AP1M2: variants seen among roughly 807,000 people sequenced by gnomAD.
AP1M2 encodes AP-1 complex subunit mu-2.
AP1M2 carries 41 observed loss-of-function variants against 54.6 expected under a neutral mutation model. That is an observed-to-expected ratio of 0.75 (90% CI 0.59 to 0.97). The LOEUF is 0.97. Among genes scored for constraint, AP1M2 ranks in the 50% least tolerant of loss-of-function variants. The pLI is 0.00. For missense variants in AP1M2, 507 were observed against 561.2 expected (o/e 0.90, Z 0.98); for synonymous variants, 219 against 215.9 (o/e 1.01, Z -0.13).
chr19:10,581,467 G>C lies in AP1M2; in HGVS notation c.546+20C>G. ...GCAGCCAGGCCGTGGAAGGGGTGCC[G>C]GGGAGGTGTGCAGGCTCACCAGCAG... On this transcript the variant is annotated intron_variant, in intron 5 of 11. Coordinates refer to ENST00000250244, the MANE Select transcript of AP1M2 (RefSeq NM_005498.5). 1 of 1,612,470 alleles carries C rather than the reference G, an allele frequency of 6.2e-7. No individual in the cohort carries two copies. Among genetic ancestry groups the C allele is most frequent in the Non-Finnish European group, 8.5e-7 (1 of 1,178,712 alleles).
At chr19:10,585,259 AGAAG>A (rs879769562) in intron 1 of AP1M2, among the ~76,000 whole-genome samples, 3,639 of 139,718 alleles carry the variant, frequency 0.026, 221 homozygotes, top group Non-Finnish European at 0.038. Flanking sequence ...AAAGAAGGAA[AGAAG>A]GAAAGAAAGA....
At chr19:10,584,163 A>G (rs1917559530) in intron 1 of AP1M2, 93 bp from the exon 2 acceptor site, 1 of 1,461,214 alleles carries the variant, frequency 6.8e-7, no homozygotes, top group South Asian at 1.3e-5. Flanking sequence ...CCTACTTCCT[A>G]GCTGAGGGGC....
intron 9 of AP1M2, 31 bp downstream of exon 9, chr19:10,577,167 C>G (rs887783342): frequency 6.3e-7 from 1 of 1,587,292 alleles, no homozygotes; most frequent in Non-Finnish European, 8.6e-7. Context: ...CCCCTCCACC[C>G]CCAGATCCCC....
Position 10,584,057 on chromosome 19 carries a change from C to T in AP1M2, c.56G>A (p.Arg19His), listed in dbSNP as rs746291058. Reference protein sequence around the residue: ...LDVKGKPLISRNYKGDVAMSK... With the variant: ...LDVKGKPLISHNYKGDVAMSK... ...CATGGCCACATCGCCCTTGTAGTTG[C>T]GGCTGATCAATGGCTGAGGGTGGAA... Residue 19 changes from arginine to histidine, a missense_variant, in exon 2 of 12, where the codon CGC becomes CAC. Physicochemically the swap from Arg to His is conservative, Grantham distance 29. Coordinates refer to ENST00000250244, the MANE Select transcript of AP1M2 (RefSeq NM_005498.5). The T allele has an allele frequency of 3.7e-6, 6 of 1,610,330 alleles. No individual in the cohort carries two copies. The highest frequency in any genetic ancestry group is 4.5e-5 in the East Asian group (2 of 44,824).
chr19:10,581,085 T>C (rs570359575), intron 6 of AP1M2, among the ~76,000 whole-genome samples, 181 bp downstream of exon 6: 4 of 152,314 alleles, frequency 2.6e-5, no homozygotes, highest in African/African-American at 4.8e-5. Flanking sequence ...TGGCACCCAA[T>C]AGTCGCTCAA....
intron 11 of AP1M2, among the ~76,000 whole-genome samples, chr19:10,574,181 G>A (rs549959285): frequency 3.9e-5 from 6 of 152,108 alleles, no homozygotes; most frequent in South Asian, 2.1e-4. Context: ...CACCACACCC[G>A]GCTAATTTTT....
At chr19:10,573,302 C>G (rs1917118075) in intron 11 of AP1M2, among the ~76,000 whole-genome samples, 3 of 151,932 alleles carry the variant, frequency 2.0e-5, no homozygotes, top group Admixed American at 1.3e-4. Flanking sequence ...ACCTGTAATC[C>G]CAGCTACTAG....
chr19:10,573,156 C>G (rs994593084), intron 11 of AP1M2, 68 bp from the exon 12 acceptor site: 58 of 1,431,648 alleles, frequency 4.1e-5, no homozygotes, highest in Non-Finnish European at 5.4e-5. Context: ...CGGTGACTCA[C>G]GCTTATAATC....
In AP1M2 at chr19:10,584,059, G is replaced by T; in HGVS notation, c.54C>A (p.Ser18Arg). 6.2e-7 allele frequency: 1 copy of T among 1,610,138 alleles called. No individual in the cohort carries two copies. Among genetic ancestry groups the T allele is most frequent in the Non-Finnish European group, 8.5e-7 (1 of 1,178,424 alleles). Residue 18 changes from serine to arginine, a missense_variant, in exon 2 of 12, where the codon AGC (serine) becomes AGA (arginine). Transcript: ENST00000250244. ...ILDVKGKPLI[S>R]RNYKGDVAMS... is the part of the protein sequence containing the mutation. ...TGGCCACATCGCCCTTGTAGTTGCG[G>T]CTGATCAATGGCTGAGGGTGGAAGG...
chr19:10,581,123 A>G lies in AP1M2; in HGVS notation c.673+143T>C, dbSNP rs1010011003. The G allele has an allele frequency of 7.3e-6, 9 of 1,236,582 alleles. No individual in the cohort carries two copies. The Admixed American group carries it at 1.4e-4, about 19-fold the overall frequency. 76.6% of individuals were successfully genotyped at this position (1,236,582 alleles called of 1,614,324 possible). ...ATGAAACAGCCTTTGCAGTCAGCCA[A>G]TGGCTGCAATACTGGCCGTGATCAG... On this transcript the variant is annotated intron_variant, in intron 6 of 11. Transcript: ENST00000250244.
chr19:10,579,600 C>G, intron 7 of AP1M2, 116 bp downstream of exon 7: 2 of 1,237,634 alleles, frequency 1.6e-6, no homozygotes, highest in East Asian at 2.6e-5. Flanking sequence ...GTGATCCACC[C>G]GACTCAGCCT....
intron 8 of AP1M2, among the ~76,000 whole-genome samples, chr19:10,577,926 G>A (rs35531859): frequency 3.3e-5 from 5 of 151,756 alleles, no homozygotes; most frequent in Admixed American, 2.0e-4. Context: ...AGTAGAGACA[G>A]CGTTTCTCCA....
intron 11 of AP1M2, 44 bp downstream of exon 11, chr19:10,574,373 G>A (rs773109536): frequency 1.4e-6 from 2 of 1,464,664 alleles, no homozygotes; most frequent in Non-Finnish European, 9.2e-7. Context: ...CCTACCCACT[G>A]CCTTTCCCTC....
intron 1 of AP1M2, among the ~76,000 whole-genome samples, chr19:10,585,324 A>G (rs1339467860): frequency 1.4e-5 from 2 of 140,612 alleles, no homozygotes; most frequent in African/African-American, 5.0e-5. Flanking sequence ...AGAAAGAAAG[A>G]AAGAAAGAAA....
intron 1 of AP1M2, among the ~76,000 whole-genome samples, chr19:10,586,331 T>C (rs1675777438): frequency 6.8e-6 from 1 of 147,780 alleles, no homozygotes; most frequent in African/African-American, 2.5e-5. Context: ...GGCATGCACC[T>C]GTAGTCCCAG....
At chr19:10,573,149 T>C (rs2144750995) in intron 11 of AP1M2, 61 bp from the exon 12 acceptor site, 2 of 1,464,046 alleles carry the variant, frequency 1.4e-6, no homozygotes, top group African/African-American at 1.4e-5. Flanking sequence ...CCGGGCACGG[T>C]GACTCACGCT....
At chr19:10,574,533 G>T in intron 10 of AP1M2, 41 bp from the exon 11 acceptor site, 2 of 1,515,652 alleles carry the variant, frequency 1.3e-6, no homozygotes, top group Non-Finnish European at 1.8e-6. Flanking sequence ...ATTGCAGGAG[G>T]GAGGAGGCCA....
chr19:10,574,410 G>A lies in AP1M2; in HGVS notation c.1249+7C>T. On this transcript the variant is annotated splice_region_variant and intron_variant, in intron 11 of 11. Coordinates refer to ENST00000250244, the MANE Select transcript of AP1M2 (RefSeq NM_005498.5). Reference sequence around the variant, plus strand: ...CCCCATTGTCCCCAGGAGCTGGGCTGCCTTACCGCCACTCTGGGTGATGTA... The same window carrying A: ...CCCCATTGTCCCCAGGAGCTGGGCTACCTTACCGCCACTCTGGGTGATGTA... 2.6e-6 allele frequency: 4 copies of A among 1,549,382 alleles called. No homozygotes were observed. Among genetic ancestry groups the A allele is most frequent in the Non-Finnish European group, 3.5e-6 (4 of 1,146,430 alleles).
At chr19:10,578,474 T>A (rs1337790830) in intron 8 of AP1M2, among the ~76,000 whole-genome samples, 3 of 146,408 alleles carry the variant, frequency 2.0e-5, no homozygotes, top group Non-Finnish European at 3.0e-5. Flanking sequence ...AGAGGGAGAC[T>A]CTTTCTCAAA....
Sources: allele counts gnomAD v4.1 joint callset (sites outside exome capture counted in the v4.1 genomes callset), GRCh38; gene constraint gnomAD v4.1.1; transcripts MANE v1.5; gene names NCBI Gene and HGNC (gene_info 2026-07-23, HGNC 2026-07-21).